Variants in GALNTL6 observed in about 807,000 individuals in gnomAD.
GALNTL6 encodes polypeptide N-acetylgalactosaminyltransferase like 6.
In GALNTL6, 46 loss-of-function variants were observed where a neutral mutation model predicts 73.7. That is an observed-to-expected ratio of 0.62 (90% CI 0.49 to 0.80). The LOEUF (loss-of-function observed/expected upper bound fraction) is 0.80. Among genes scored for constraint, GALNTL6 ranks in the 30% least tolerant of loss-of-function variants. GALNTL6 has a pLI of 0.00. For synonymous variants in GALNTL6, 259 were observed against 263.7 expected, an observed-to-expected ratio of 0.98 and a Z score of 0.17; for missense variants, 604 against 755.0, an observed-to-expected ratio of 0.80 and a Z score of 2.34.
chr4:172,677,782 T>C (rs1732390709), intron 5 of GALNTL6, among the ~76,000 whole-genome samples: 1 of 151,296 alleles, frequency 6.6e-6, no homozygotes, highest in African/African-American at 2.4e-5. Context: ...AAAAAAAGAA[T>C]TGTTGAAAAA....
At chr4:172,095,552 A>G (rs946912843) in intron 2 of GALNTL6, among the ~76,000 whole-genome samples, 1 of 152,194 alleles carries the variant, frequency 6.6e-6, no homozygotes, top group Non-Finnish European at 1.5e-5. Flanking sequence ...TGTTTTTGGC[A>G]GGTGAGTCTC....
intron 5 of GALNTL6, among the ~76,000 whole-genome samples, chr4:172,629,646 C>A (rs1739310196): frequency 6.6e-6 from 1 of 152,136 alleles, no homozygotes; most frequent in Admixed American, 6.5e-5. Context: ...GTTTCTGCTG[C>A]TTATACACCA....
chr4:172,103,439 C>CTA lies in GALNTL6; in HGVS notation c.139-126207_139-126206dup, dbSNP rs1197803539. Reference sequence around the variant, plus strand: ...TATGTTTAATGTTATCTTAATGGAACTATATATATATTTTATAGTATTTTA... The same window carrying CTA: ...TATGTTTAATGTTATCTTAATGGAACTATATATATATATTTTATAGTATTTTA... On this transcript the variant is annotated intron_variant, in intron 2 of 12. Coordinates refer to ENST00000506823, the MANE Select transcript of GALNTL6 (RefSeq NM_001034845.3). Among the ~76,000 whole-genome samples, 10 of 152,026 alleles carry CTA rather than the reference C, an allele frequency of 6.6e-5. 1 individual carries two copies. The South Asian group carries it at 1.7e-3, about 25-fold the overall frequency.
At chr4:171,872,811 T>C (rs548362301) in intron 2 of GALNTL6, among the ~76,000 whole-genome samples, 1 of 152,304 alleles carries the variant, frequency 6.6e-6, no homozygotes, top group Non-Finnish European at 1.5e-5. Flanking sequence ...AAAGGTCCCA[T>C]TTCCAAATAA....
At chr4:172,548,988 TTTTG>T (rs1415502383) in intron 5 of GALNTL6, among the ~76,000 whole-genome samples, 2 of 152,166 alleles carry the variant, frequency 1.3e-5, no homozygotes, top group East Asian at 3.8e-4. Flanking sequence ...AATGTTTTTG[TTTTG>T]TTTGTTATTT....
At chr4:172,136,243 T>C (rs1050675006) in intron 2 of GALNTL6, among the ~76,000 whole-genome samples, 1 of 152,100 alleles carries the variant, frequency 6.6e-6, no homozygotes, top group Non-Finnish European at 1.5e-5. Context: ...AACTATTTGA[T>C]ATTTCAGACT....
Position 171,991,174 on chromosome 4 carries a change from A to G in GALNTL6, c.138+176456A>G, listed in dbSNP as rs553677571. On this transcript the variant is annotated intron_variant, in intron 2 of 12. Coordinates refer to ENST00000506823, the MANE Select transcript of GALNTL6 (RefSeq NM_001034845.3). The stretch of plus-strand genomic sequence containing the variant: ...AAGAAACATTTCTCTTGTAACAACA[A>G]CAAAAGACATTGGATAGTCATAGAC... Among the ~76,000 whole-genome samples, 21 of 152,320 alleles carry G rather than the reference A, an allele frequency of 1.4e-4. No homozygotes were observed. The East Asian group carries it at 3.9e-3, about 28-fold the overall frequency.
intron 5 of GALNTL6, among the ~76,000 whole-genome samples, chr4:172,686,710 T>C (rs1487351419): frequency 6.6e-6 from 1 of 152,198 alleles, no homozygotes; most frequent in Non-Finnish European, 1.5e-5. Flanking sequence ...ACACATTGCT[T>C]TGTGCTATTC....
chr4:172,708,925 C>A (rs1380735367), intron 5 of GALNTL6, among the ~76,000 whole-genome samples: 4 of 152,116 alleles, frequency 2.6e-5, no homozygotes, highest in African/African-American at 9.7e-5. Flanking sequence ...TTGCCTTCTA[C>A]CCTAAGTGGG....
At chr4:172,523,860 A>T (rs746421584) in intron 5 of GALNTL6, among the ~76,000 whole-genome samples, 1 of 152,172 alleles carries the variant, frequency 6.6e-6, no homozygotes, top group Non-Finnish European at 1.5e-5. Context: ...ATACCTACAC[A>T]TAACACACAT....
intron 2 of GALNTL6, among the ~76,000 whole-genome samples, chr4:172,029,233 T>C (rs1741688717): frequency 1.3e-5 from 2 of 152,064 alleles, no homozygotes; most frequent in Non-Finnish European, 2.9e-5. Context: ...GAAGCAATTC[T>C]TATGAAACTA....
Position 172,288,718 on chromosome 4 carries a change from C to T in GALNTL6, c.248-22896C>T, listed in dbSNP as rs562453543. ...TATTTGTTGAATAAATGAATTTTCA[C>T]TTGATTTATTAATACTTTTGGTCAG... On this transcript the variant is annotated intron_variant, in intron 3 of 12. Coordinates refer to ENST00000506823, the MANE Select transcript of GALNTL6 (RefSeq NM_001034845.3). Among the ~76,000 whole-genome samples the T allele has an allele frequency of 8.5e-5, 13 of 152,132 alleles. No homozygotes were observed. In the East Asian group the frequency reaches 1.7e-3, roughly 20 times the overall value.
intron 8 of GALNTL6, among the ~76,000 whole-genome samples, chr4:172,895,110 C>T (rs1374622289): frequency 1.3e-5 from 2 of 151,512 alleles, no homozygotes; most frequent in African/African-American, 2.4e-5. Flanking sequence ...TTCTTATAGG[C>T]AGCATATAGT....
intron 5 of GALNTL6, among the ~76,000 whole-genome samples, chr4:172,747,404 T>C (rs1737170914): frequency 6.6e-6 from 1 of 151,612 alleles, no homozygotes; most frequent in Non-Finnish European, 1.5e-5. Context: ...GATGAATAGA[T>C]AAAGTGGAAA....
At chr4:172,487,550 C>T (rs1395768902) in intron 5 of GALNTL6, among the ~76,000 whole-genome samples, 2 of 151,692 alleles carry the variant, frequency 1.3e-5, no homozygotes, top group African/African-American at 4.8e-5. Flanking sequence ...CCACATCTAG[C>T]TAATTCTTTG....
intron 5 of GALNTL6, among the ~76,000 whole-genome samples, chr4:172,527,340 A>G (rs1405408793): frequency 6.6e-6 from 1 of 152,200 alleles, no homozygotes; most frequent in Non-Finnish European, 1.5e-5. Context: ...CAGAGAAAAG[A>G]GAATTGCTGA....
At chr4:172,395,434 A>C (rs893115876) in intron 5 of GALNTL6, among the ~76,000 whole-genome samples, 3 of 152,184 alleles carry the variant, frequency 2.0e-5, no homozygotes, top group African/African-American at 7.2e-5. Context: ...TTCTTTGGAC[A>C]ACCATTAATA....
intron 4 of GALNTL6, among the ~76,000 whole-genome samples, chr4:172,321,311 A>G (rs1740749677): frequency 6.6e-6 from 1 of 152,188 alleles, no homozygotes; most frequent in Non-Finnish European, 1.5e-5. Context: ...AACAATAACA[A>G]GTCCAAGTGG....
intron 7 of GALNTL6, among the ~76,000 whole-genome samples, chr4:172,881,745 C>T (rs932804972): frequency 5.9e-5 from 9 of 152,122 alleles, no homozygotes; most frequent in Non-Finnish European, 8.8e-5. Flanking sequence ...GTGTTTTTAT[C>T]GATTTGCTTG....
Sources: allele counts gnomAD v4.1 joint callset (sites outside exome capture counted in the v4.1 genomes callset), GRCh38; gene constraint gnomAD v4.1.1; transcripts MANE v1.5; gene names NCBI Gene and HGNC (gene_info 2026-07-23, HGNC 2026-07-21).